Variants in XKR9 observed in about 807,000 individuals in gnomAD.
XKR9 encodes XK-related protein 9.
XKR9 carries 32 observed loss-of-function variants against 32.0 expected under a neutral mutation model. The ratio of observed to expected loss-of-function variants is 1.00; its 90% CI spans 0.76 to 1.34. The LOEUF is 1.34. Ranked by LOEUF, XKR9 falls within the 40% of genes most tolerant of loss-of-function variation. The pLI, the probability that XKR9 is intolerant of heterozygous loss-of-function variation, is 0.00. For missense variants in XKR9, 546 were observed against 429.7 expected, an observed-to-expected ratio of 1.27 and a Z score of -2.39; for synonymous variants, 168 against 143.4, an observed-to-expected ratio of 1.17 and a Z score of -1.22.
At chr8:70,856,716 G>T in the XKR9 span, among the ~76,000 whole-genome samples, 3 of 152,028 alleles carry the variant, frequency 2.0e-5, no homozygotes, top group East Asian at 1.9e-4. Context: ...TGACCACATA[G>T]TTGGAAGTAA....
intron 3 of XKR9, among the ~76,000 whole-genome samples, 159 bp downstream of exon 3, chr8:70,681,489 C>T (rs572352764): frequency 6.6e-6 from 1 of 152,060 alleles, no homozygotes; most frequent in African/African-American, 2.4e-5. Context: ...TAAGTCATTG[C>T]CATACTGTCA....
At chr8:70,744,378 T>G (rs148403418) in intron 2 of XKR9, among the ~76,000 whole-genome samples, 206 of 152,236 alleles carry the variant, frequency 1.4e-3, no homozygotes, top group African/African-American at 4.7e-3. Flanking sequence ...CATTTAGTTC[T>G]CTCTCATCCC....
the XKR9 span, among the ~76,000 whole-genome samples, chr8:70,837,318 G>T: frequency 6.6e-6 from 1 of 152,036 alleles, no homozygotes; most frequent in African/African-American, 2.4e-5. Context: ...TGACTAGAAG[G>T]CTTACCACAG....
chr8:70,861,939 A>T, the XKR9 span, among the ~76,000 whole-genome samples: 11 of 152,172 alleles, frequency 7.2e-5, no homozygotes, highest in Non-Finnish European at 1.5e-4. Flanking sequence ...AGATAAGTAA[A>T]TATATGTAGT....
At chr8:70,798,168 C>T in the XKR9 span, among the ~76,000 whole-genome samples, 2 of 152,142 alleles carry the variant, frequency 1.3e-5, no homozygotes, top group Non-Finnish European at 2.9e-5. Flanking sequence ...ACATTACTAC[C>T]AGCAGTGTAT....
chr8:70,904,594 T>G, the XKR9 span, among the ~76,000 whole-genome samples: 2 of 152,234 alleles, frequency 1.3e-5, no homozygotes, highest in African/African-American at 4.8e-5. Context: ...TCTGTGTTTT[T>G]TAATTGGAGC....
At chr8:70,812,795 AT>A in the XKR9 span, among the ~76,000 whole-genome samples, 2 of 152,212 alleles carry the variant, frequency 1.3e-5, no homozygotes, top group Non-Finnish European at 2.9e-5. Flanking sequence ...ATAAAAGAGG[AT>A]ACAAACAAAT....
At chr8:70,878,396 A>G in the XKR9 span, among the ~76,000 whole-genome samples, 1 of 152,112 alleles carries the variant, frequency 6.6e-6, no homozygotes, top group Non-Finnish European at 1.5e-5. Context: ...TCAATGTGCT[A>G]TATTCAGGAG....
chr8:70,756,975 G>A (rs1319285807), intron 2 of XKR9, among the ~76,000 whole-genome samples: 1 of 152,172 alleles, frequency 6.6e-6, no homozygotes, highest in African/African-American at 2.4e-5. Flanking sequence ...TGTTAACTGT[G>A]GATATTTATA....
At chr8:70,839,952 G>T in the XKR9 span, among the ~76,000 whole-genome samples, 1 of 152,092 alleles carries the variant, frequency 6.6e-6, no homozygotes, top group Admixed American at 6.6e-5. Flanking sequence ...CCCATTTAAC[G>T]TTCTCTTTCA....
chr8:70,965,682 A>G, the XKR9 span, among the ~76,000 whole-genome samples: 1 of 152,086 alleles, frequency 6.6e-6, no homozygotes, highest in East Asian at 1.9e-4. Flanking sequence ...CAGTCTTGGG[A>G]TAGTGTATGT....
chr8:70,918,922 C>T, the XKR9 span, among the ~76,000 whole-genome samples: 13 of 151,362 alleles, frequency 8.6e-5, no homozygotes, highest in East Asian at 1.2e-3. Flanking sequence ...TGACTACAGG[C>T]GCCCGCCACC....
At chr8:70,824,533 A>G in the XKR9 span, among the ~76,000 whole-genome samples, 4 of 152,116 alleles carry the variant, frequency 2.6e-5, no homozygotes, top group African/African-American at 9.7e-5. Context: ...GAACAGGTCA[A>G]TGTAAAAGAC....
chr8:70,745,087 C>T lies in XKR9; in HGVS notation n.352+37934C>T, dbSNP rs999017215. 3.3e-5 allele frequency among the ~76,000 whole-genome samples: 5 copies of T among 149,952 alleles called. 1 individual carries two copies. On this transcript the variant is annotated intron_variant and non_coding_transcript_variant, in intron 2 of 3. Coordinates refer to the XKR9 transcript ENST00000520273. ...ATACATCTACTAAGGAGCTTGAATG[C>T]TAAGTGTCCCACACAAACATAGATT...
the XKR9 span, among the ~76,000 whole-genome samples, chr8:70,954,036 A>AT: frequency 3.0e-4 from 45 of 151,894 alleles, 1 homozygote; most frequent in African/African-American, 1.1e-3. Context: ...TGTGGGGAAA[A>AT]TTTTTTTTAA....
chr8:70,754,607 C>T (rs1408557474), intron 2 of XKR9, among the ~76,000 whole-genome samples: 4 of 151,258 alleles, frequency 2.6e-5, no homozygotes, highest in Admixed American at 6.6e-5. Flanking sequence ...GAAATAACGC[C>T]GCACATCTAC....
chr8:70,816,503 G>A, the XKR9 span, among the ~76,000 whole-genome samples: 2 of 152,124 alleles, frequency 1.3e-5, no homozygotes, highest in African/African-American at 4.8e-5. Flanking sequence ...GTTCATCAAT[G>A]CAAGATTGAC....
chr8:70,745,587 T>A (rs1180047421), intron 2 of XKR9, among the ~76,000 whole-genome samples: 23 of 152,180 alleles, frequency 1.5e-4, no homozygotes, highest in African/African-American at 2.4e-5. Context: ...ATTTGCGTGT[T>A]TAAAAAAGTT....
the XKR9 span, among the ~76,000 whole-genome samples, chr8:71,065,527 C>A: frequency 5.3e-5 from 8 of 152,288 alleles, no homozygotes; most frequent in East Asian, 1.5e-3. Context: ...TATTTTGTTA[C>A]GGCAGCCCAA....
Sources: gnomAD v4.1 joint callset for allele counts (sites outside exome capture counted in the v4.1 genomes callset) on GRCh38, gnomAD v4.1.1 for gene constraint, MANE v1.5 for transcripts, NCBI Gene and HGNC (gene_info 2026-07-23, HGNC 2026-07-21) for gene names.